The following LTBR variants were observed in gnomAD, a reference collection of about 807,000 sequenced individuals.
LTBR encodes the protein tumor necrosis factor receptor superfamily member 3.
Under a neutral mutation model 45.4 loss-of-function variants are expected in LTBR, and 15 were observed. The observed-to-expected ratio is 0.33, with a 90% CI of 0.22 to 0.51. The LOEUF (loss-of-function observed/expected upper bound fraction) is 0.51, where lower values mean the gene tolerates loss of function less well. Ranked by LOEUF, LTBR falls within the 20% of genes least tolerant of loss-of-function variation. The pLI is 0.97. For synonymous variants in LTBR, 228 were observed against 231.0 expected (o/e 0.99, Z 0.12); for missense variants, 450 against 565.5 (o/e 0.80, Z 2.07).
Position 6,388,747 on chromosome 12 carries a change from G to A in LTBR, c.776-53G>A. 3 of 1,612,258 alleles carry A rather than the reference G, an allele frequency of 1.9e-6. No individual in the cohort carries two copies. Among genetic ancestry groups the A allele is most frequent in the South Asian group, 2.2e-5 (2 of 90,948 alleles). On this transcript the variant is annotated intron_variant, in intron 7 of 9. Coordinates refer to ENST00000228918, the MANE Select transcript of LTBR (RefSeq NM_002342.3). The surrounding 1 kb of genome is among the most constrained non-coding windows in gnomAD (Gnocchi z 4.3). ...TGTGCTGGGATGTGGAGGCTGAAAGGCTAGGTCTGAGGCCTGCCGGGGAGC... is the reference window on the plus strand; with the variant it reads ...TGTGCTGGGATGTGGAGGCTGAAAGACTAGGTCTGAGGCCTGCCGGGGAGC...
intron 1 of LTBR, among the ~76,000 whole-genome samples, chr12:6,377,965 G>A (rs370491549): frequency 1.9e-4 from 29 of 152,330 alleles, no homozygotes; most frequent in South Asian, 8.3e-4. Flanking sequence ...AACAGGCTTG[G>A]TGTTGTGAGG....
intron 1 of LTBR, among the ~76,000 whole-genome samples, chr12:6,376,633 G>A (rs1251672499): frequency 6.6e-6 from 1 of 152,236 alleles, no homozygotes; most frequent in Non-Finnish European, 1.5e-5. Context: ...GCAGCAAAAG[G>A]ATAAGGAGTG....
At chr12:6,382,389 T>C (rs545723543), upstream of LTBR, among the ~76,000 whole-genome samples, 1 of 152,182 alleles carries the variant, frequency 6.6e-6, no homozygotes, top group Non-Finnish European at 1.5e-5. Flanking sequence ...TTTTCTCTTT[T>C]GGTATATTAT....
At chr12:6,377,146 AG>A in intron 1 of LTBR, 1 of 863,148 alleles carries the variant, frequency 1.2e-6, no homozygotes. Context: ...CTCCAGGCTC[AG>A]GGTCCAACCT....
At position 6,390,227 on chromosome 12, in the gene LTBR, C is replaced by G. The variant is rs888567841; in HGVS notation, c.917C>G (p.Thr306Ser). 14 of 1,613,970 alleles carry G rather than the reference C, an allele frequency of 8.7e-6. No homozygotes were observed. Among genetic ancestry groups the G allele is most frequent in the African/African-American group, 1.3e-5 (1 of 74,908 alleles). ...PISGDVSPVS[T>S]GLPAAPVLEA... ...TCTGGAGATGTTTCCCCAGTATCCA[C>G]TGGGCTCCCCGCAGCCCCAGTTTTG... Residue 306 changes from threonine to serine, a missense_variant, in exon 9 of 10, where the codon ACT becomes AGT. By Grantham distance (58) the Thr-to-Ser change is moderately conservative. Around this residue, in one of 3 missense-constraint regions of LTBR, gnomAD observed 367 missense variants for 435.4 expected, o/e 0.84. Coordinates refer to ENST00000228918, the MANE Select transcript of LTBR (RefSeq NM_002342.3).
chr12:6,384,132 C>T, upstream of LTBR: 2 of 1,271,930 alleles, frequency 1.6e-6, no homozygotes, highest in Non-Finnish European at 2.0e-6. Flanking sequence ...CCCAGCGCTC[C>T]CTGTCCCCGC....
chr12:6,388,801 A>T lies in LTBR; in HGVS notation c.777A>T (p.Gly259=). ...KSHPSLCRKL[G]SLLKRRPQGE... ...CACCCATTTCATTCTCCATTGCAGG[A>T]TCGCTGCTCAAGAGGCGTCCGCAGG... Residue 259 remains glycine, a splice_region_variant and synonymous_variant, in exon 8 of 10, where the codon GGA becomes GGT. Transcript: ENST00000228918. This position sits in a 1 kb window ranked among gnomAD's most constrained non-coding sequence, Gnocchi z 4.3. 1 of 1,614,140 alleles carries T rather than the reference A, an allele frequency of 6.2e-7. No homozygotes were observed. Among genetic ancestry groups the T allele is most frequent in the East Asian group, 2.2e-5 (1 of 44,886 alleles).
At chr12:6,390,072 G>A in intron 8 of LTBR, 40 bp from the exon 9 acceptor site, 6 of 1,347,488 alleles carry the variant, frequency 4.5e-6, no homozygotes, top group Non-Finnish European at 5.3e-6. Context: ...AAGGGTCTGG[G>A]GCCCTCATCA....
chr12:6,385,010 C>T lies in LTBR; in HGVS notation c.194-12C>T, dbSNP rs553203694. 1.9e-6 allele frequency: 3 copies of T among 1,614,176 alleles called. No homozygotes were observed. Among genetic ancestry groups the T allele is most frequent in the African/African-American group, 1.3e-5 (1 of 75,060 alleles). ...CGTCTCCTGAGGCTCTACTGCTCCA[C>T]TCACGTTCTAGGCACCTATGTCTCA... On this transcript the variant is annotated splice_polypyrimidine_tract_variant and intron_variant, in intron 2 of 9. Transcript: ENST00000228918.
rs1254890565 is a variant in LTBR at position 6,386,027 on chromosome 12, T to C, written c.473-39T>C. 2 of 1,457,578 alleles carry C rather than the reference T, an allele frequency of 1.4e-6. No individual in the cohort carries two copies. The highest frequency in any genetic ancestry group is 2.3e-5 in the East Asian group (1 of 44,096). 90.3% of individuals were successfully genotyped at this position (1,457,578 alleles called of 1,614,324 possible). On this transcript the variant is annotated intron_variant, in intron 4 of 9. Transcript: ENST00000228918. This position sits in a 1 kb window ranked among gnomAD's most constrained non-coding sequence, Gnocchi z 4.1. ...AGGCCGGCAAAGGGCCCCTCCCTTTTGCCCATTCACCCTGGCTGGCCTGCC... is the reference window on the plus strand; with the variant it reads ...AGGCCGGCAAAGGGCCCCTCCCTTTCGCCCATTCACCCTGGCTGGCCTGCC...
rs1460313891 is a variant in LTBR, at chr12:6,388,047, A to G, written c.668-351A>G. 1 of 358,394 alleles carries G rather than the reference A, an allele frequency of 2.8e-6. No homozygotes were observed. The highest frequency in any genetic ancestry group is 7.3e-5 in the East Asian group (1 of 13,774). 22.2% of individuals were successfully genotyped at this position (358,394 alleles called of 1,614,324 possible). A position where few individuals can be genotyped will look rare whatever the true frequency, so the allele number is the denominator to read the frequency against. Reference sequence around the variant, plus strand: ...CCCTTCCCTACTGTCTCCCAATCCCACTTCCAGACCTTGAAAATCAACTGC... The same window carrying G: ...CCCTTCCCTACTGTCTCCCAATCCCGCTTCCAGACCTTGAAAATCAACTGC... On this transcript the variant is annotated intron_variant, in intron 6 of 9. Transcript: ENST00000228918. This position sits in a 1 kb window ranked among gnomAD's most constrained non-coding sequence, Gnocchi z 4.3.
At chr12:6,390,476 T>C (rs1035744394) in intron 9 of LTBR, 136 bp downstream of exon 9, 1 of 982,312 alleles carries the variant, frequency 1.0e-6, no homozygotes, top group Non-Finnish European at 1.5e-6. Context: ...GTGTCACAAC[T>C]AGAGAAGAGG....
At chr12:6,375,216 C>G, upstream of LTBR, 2 of 1,442,462 alleles carry the variant, frequency 1.4e-6, no homozygotes, top group South Asian at 1.5e-5. Context: ...CTCTATCTGC[C>G]TTCTGTTTCT....
At chr12:6,383,744 C>G (rs913177989), upstream of LTBR, among the ~76,000 whole-genome samples, 5 of 152,232 alleles carry the variant, frequency 3.3e-5, no homozygotes, top group African/African-American at 7.2e-5. Context: ...ACCCGGGCAT[C>G]TGCCAGCCGG....
upstream of LTBR, among the ~76,000 whole-genome samples, chr12:6,381,302 G>T (rs556561563): frequency 6.6e-6 from 1 of 152,196 alleles, no homozygotes; most frequent in African/African-American, 2.4e-5. Flanking sequence ...TAGGAGATGG[G>T]ATTATGGAAG....
intron 2 of LTBR, 86 bp downstream of exon 2, chr12:6,384,770 G>T: frequency 2.3e-6 from 3 of 1,314,860 alleles, no homozygotes; most frequent in Non-Finnish European, 2.2e-6. Context: ...GGGAAGGTGG[G>T]CACTGTCCCC....
At chr12:6,376,782 C>G (rs987074015) in intron 1 of LTBR, among the ~76,000 whole-genome samples, 9 of 152,148 alleles carry the variant, frequency 5.9e-5, no homozygotes, top group Admixed American at 1.3e-4. Flanking sequence ...CTCACGGGCC[C>G]CACAGGAGGC....
At chr12:6,389,146 CAG>C in intron 8 of LTBR, 1 of 287,790 alleles carries the variant, frequency 3.5e-6, no homozygotes, top group Non-Finnish European at 6.8e-6. Context: ...GTATTTTAGA[CAG>C]AGTGGAGAGT....
Position 6,390,579 on chromosome 12 carries a change from G to C in LTBR, c.1031-81G>C, listed in dbSNP as rs987851208. 7 of 1,400,392 alleles carry C rather than the reference G, an allele frequency of 5.0e-6. No individual in the cohort carries two copies. The African/African-American group carries it at 7.2e-5, about 14-fold the overall frequency. The allele number at this position is 1,400,392 out of a possible 1,614,324, so 86.7% of individuals were successfully genotyped here. A position where few individuals can be genotyped will look rare whatever the true frequency, so the allele number is the denominator to read the frequency against. The stretch of plus-strand genomic sequence containing the variant: ...AGAGGGGCGGGGCCAGGGGAAAGGC[G>C]AGAAGAAGGCAAGAATTCAAGAAGC... On this transcript the variant is annotated intron_variant, in intron 9 of 9. Coordinates refer to ENST00000228918, the MANE Select transcript of LTBR (RefSeq NM_002342.3).
Sources: gnomAD v4.1 joint callset for allele counts (sites outside exome capture counted in the v4.1 genomes callset) on GRCh38, gnomAD v4.1.1 for gene constraint, gnomAD v4.1.1 regional missense constraint, Gnocchi (gnomAD v3.1) non-coding constraint, MANE v1.5 for transcripts, NCBI Gene and HGNC (gene_info 2026-07-23, HGNC 2026-07-21) for gene names.